The following MYH15 variants were observed in gnomAD, a reference collection of about 807,000 sequenced individuals.
MYH15 encodes myosin heavy chain 15.
A neutral mutation model predicts 240.5 loss-of-function variants in MYH15; 227 were observed. That is an observed-to-expected ratio of 0.94 (90% CI 0.85 to 1.05). MYH15 has a LOEUF of 1.05. Among genes scored for constraint, MYH15 ranks in the 50% least tolerant of loss-of-function variants. MYH15 has a pLI of 0.00. For synonymous variants in MYH15, 785 were observed against 796.7 expected, an observed-to-expected ratio of 0.99 and a Z score of 0.25; for missense variants, 2,217 against 2,247.5, an observed-to-expected ratio of 0.99 and a Z score of 0.27.
At chr3:108,525,035 T>C (rs2083655883) in intron 1 of MYH15, among the ~76,000 whole-genome samples, 1 of 152,044 alleles carries the variant, frequency 6.6e-6, no homozygotes, top group Non-Finnish European at 1.5e-5. Context: ...CTTAATTACA[T>C]AGTTACACCT....
chr3:108,450,297 A>G (rs150702869), intron 21 of MYH15, among the ~76,000 whole-genome samples: 2 of 152,328 alleles, frequency 1.3e-5, no homozygotes, highest in Non-Finnish European at 2.9e-5. Flanking sequence ...TATGGAATCA[A>G]CCTAAGTGTT....
chr3:108,458,845 T>TAAA (rs568369858), intron 18 of MYH15, among the ~76,000 whole-genome samples: 2 of 145,256 alleles, frequency 1.4e-5, no homozygotes, highest in African/African-American at 5.0e-5. Context: ...GTTACATAAC[T>TAAA]AAAAAAAAAA....
rs769493360 is a variant in MYH15 at position 108,430,957 on chromosome 3, GAAT to G, written c.3222-38_3222-36del. 4.3e-6 allele frequency: 6 copies of G among 1,393,972 alleles called. No homozygotes were observed. In the African/African-American group the frequency reaches 5.7e-5, roughly 13 times the overall value. 86.4% of individuals were successfully genotyped at this position (1,393,972 alleles called of 1,614,324 possible). A position where few individuals can be genotyped will look rare whatever the true frequency, so the allele number is the denominator to read the frequency against. On this transcript the variant is annotated intron_variant, in intron 25 of 40. Coordinates refer to ENST00000693548, the MANE Select transcript of MYH15 (RefSeq NM_014981.3). ...AAAAGATATCAAATACAATTGTTCA[GAAT>G]AATAACATTTTGTTTAAAGTAGTTA...
intron 1 of MYH15, among the ~76,000 whole-genome samples, chr3:108,518,585 T>C (rs541666056): frequency 1.3e-5 from 2 of 152,332 alleles, no homozygotes; most frequent in East Asian, 3.9e-4. Flanking sequence ...ATCCTCTTGC[T>C]TGACTGACAC....
At chr3:108,401,605 C>T (rs1393196618) in intron 33 of MYH15, among the ~76,000 whole-genome samples, 1 of 152,216 alleles carries the variant, frequency 6.6e-6, no homozygotes, top group Admixed American at 6.5e-5. Flanking sequence ...CTCATTTTTG[C>T]CACAGCTGGC....
intron 11 of MYH15, among the ~76,000 whole-genome samples, chr3:108,476,994 CAT>C (rs2083227388): frequency 6.6e-6 from 1 of 152,074 alleles, no homozygotes; most frequent in South Asian, 2.1e-4. Context: ...TAAATGAAAA[CAT>C]ATGTTCACAC....
rs2082368632 is a variant in MYH15, at chr3:108,384,735, A to G, written c.5583T>C (p.Asp1861=). 1.9e-6 allele frequency: 3 copies of G among 1,613,870 alleles called. No homozygotes were observed. Among genetic ancestry groups the G allele is most frequent in the South Asian group, 2.2e-5 (2 of 91,068 alleles). The change falls in exon 39 of 41, where the codon GAT becomes GAC. Residue 1861 remains aspartate (D), a synonymous_variant. Transcript: ENST00000693548. The part of the protein sequence containing the change: ...KNLSRMQTQM[D]KLQLKVQNYK... ...AATTTTGCACTTTTAGCTGAAGTTT[A>G]TCCATCTGAGTTTGCATCCTGCTCA...
At chr3:108,428,051 A>C (rs1339052679) in intron 27 of MYH15, among the ~76,000 whole-genome samples, 1 of 152,238 alleles carries the variant, frequency 6.6e-6, no homozygotes, top group Non-Finnish European at 1.5e-5. Flanking sequence ...AAGATGCCAG[A>C]GGACTTGAGG....
At chr3:108,458,868 A>G (rs963715556) in intron 18 of MYH15, among the ~76,000 whole-genome samples, 1 of 152,170 alleles carries the variant, frequency 6.6e-6, no homozygotes, top group Non-Finnish European at 1.5e-5. Flanking sequence ...GAATGCTATT[A>G]GAAAGAGGGA....
At chr3:108,417,099 T>C (rs1576220379) in intron 28 of MYH15, among the ~76,000 whole-genome samples, 169 bp from the exon 29 acceptor site, 1 of 152,196 alleles carries the variant, frequency 6.6e-6, no homozygotes, top group South Asian at 2.1e-4. Context: ...GCAATGATCC[T>C]TTCCAGGACT....
upstream of MYH15, among the ~76,000 whole-genome samples, chr3:108,533,550 A>G (rs1366155834): frequency 6.6e-6 from 1 of 152,174 alleles, no homozygotes; most frequent in Admixed American, 6.5e-5. Flanking sequence ...ATGATGATCA[A>G]CCAGGGAGAG....
chr3:108,390,161 A>G (rs1354130655), intron 37 of MYH15, among the ~76,000 whole-genome samples: 1 of 151,512 alleles, frequency 6.6e-6, no homozygotes, highest in Non-Finnish European at 1.5e-5. Context: ...TTGGGGGGGG[A>G]TTAAAGTGAT....
At chr3:108,456,349 C>T (rs2140339) in intron 19 of MYH15, among the ~76,000 whole-genome samples, 116,798 of 152,024 alleles carry the variant, frequency 0.77, 45,045 homozygotes, top group Non-Finnish European at 0.78. Context: ...TTCTAGAATC[C>T]AAGAAATAGA....
chr3:108,444,957 A>T (rs1453823765), intron 21 of MYH15, 62 bp from the exon 22 acceptor site: 35 of 1,499,640 alleles, frequency 2.3e-5, no homozygotes, highest in Non-Finnish European at 3.0e-5. Flanking sequence ...TTAGTTCCCA[A>T]ATTAAGATCC....
intron 30 of MYH15, among the ~76,000 whole-genome samples, chr3:108,412,474 T>A (rs941080842): frequency 4.6e-5 from 7 of 152,202 alleles, no homozygotes; most frequent in African/African-American, 9.7e-5. Flanking sequence ...CAGTCTTGGG[T>A]ATGTCTTTAT....
rs368421301 is a variant in MYH15 at position 108,410,805 on chromosome 3, C to A, written c.4273G>T (p.Gly1425Trp). 30 of 1,614,004 alleles carry A rather than the reference C, an allele frequency of 1.9e-5. No individual in the cohort carries two copies. The highest frequency in any genetic ancestry group is 3.3e-4 in the Middle Eastern group (2 of 6,082). The change falls in exon 31 of 41, where the codon GGG becomes TGG. Residue 1425 changes from glycine (G) to tryptophan (W), a missense_variant. Transcript: ENST00000693548. ...CTGGCTGCTGCAGAGCGGACCTTCC[C>A]GAGGTCAGACAGGGCGTCCCCGAGC... ...LELGDALSDL[G>W]KVRSAAARLD...
chr3:108,456,961 T>C (rs2083027288), intron 18 of MYH15, 78 bp from the exon 19 acceptor site: 9 of 1,040,418 alleles, frequency 8.7e-6, no homozygotes, highest in Admixed American at 2.0e-5. Flanking sequence ...AATTGCTGCA[T>C]CTTGGGTTAA....
intron 22 of MYH15, among the ~76,000 whole-genome samples, chr3:108,443,246 A>G (rs1031600154): frequency 6.6e-6 from 1 of 152,222 alleles, no homozygotes; most frequent in African/African-American, 2.4e-5. Flanking sequence ...AAGTTGTAGA[A>G]TCACTGCTAT....
intron 33 of MYH15, among the ~76,000 whole-genome samples, chr3:108,402,519 C>A (rs1036217983): frequency 5.3e-5 from 8 of 152,228 alleles, no homozygotes; most frequent in Admixed American, 2.0e-4. Context: ...GTTGCCACAT[C>A]TCTGTGGCAA....
Sources: allele counts gnomAD v4.1 joint callset (sites outside exome capture counted in the v4.1 genomes callset), GRCh38; gene constraint gnomAD v4.1.1; transcripts MANE v1.5; gene names NCBI Gene and HGNC (gene_info 2026-07-23, HGNC 2026-07-21).